NT5C1B: variants seen among roughly 807,000 people sequenced by gnomAD.
NT5C1B encodes the protein 5'-nucleotidase, cytosolic IB.
NT5C1B carries 44 observed loss-of-function variants against 57.8 expected under a neutral mutation model. The ratio of observed to expected loss-of-function variants is 0.76; its 90% CI spans 0.60 to 0.98. The LOEUF (loss-of-function observed/expected upper bound fraction) is 0.98, where lower values mean the gene tolerates loss of function less well. NT5C1B is among the 50% of genes least tolerant of loss of function. The pLI is 0.00. For missense variants in NT5C1B, 742 were observed against 719.5 expected (o/e 1.03, Z -0.36); for synonymous variants, 284 against 282.6 (o/e 1.00, Z -0.05).
intron 2 of NT5C1B, chr2:18,586,752 A>G: frequency 1.5e-6 from 1 of 664,746 alleles, no homozygotes. Flanking sequence ...CTGAAACAAT[A>G]TATCCACCAT....
chr2:18,584,171 C>G lies in NT5C1B; in HGVS notation c.808G>C (p.Glu270Gln). 1.2e-6 allele frequency: 2 copies of G among 1,614,164 alleles called. No individual in the cohort carries two copies. The highest frequency in any genetic ancestry group is 1.7e-6 in the Non-Finnish European group (2 of 1,180,034). The change falls in exon 5 of 9, where the codon GAG becomes CAG. Residue 270 changes from glutamate to glutamine, a missense_variant. Coordinates refer to ENST00000304081, the Ensembl canonical transcript of NT5C1B. The surrounding 1 kb of genome is among the most constrained non-coding windows in gnomAD (Gnocchi z 5.8). Reference sequence around the variant, plus strand: ...TACTCCATGTACTTTTCCAGACCCTCTTGCTCGTAGATTTTCCTGCCGTCC... The same window carrying G: ...TACTCCATGTACTTTTCCAGACCCTGTTGCTCGTAGATTTTCCTGCCGTCC...
At chr2:18,582,792 A>G in intron 6 of NT5C1B, 76 bp downstream of exon 6, 1 of 1,560,394 alleles carries the variant, frequency 6.4e-7, no homozygotes, top group African/African-American at 1.4e-5. Flanking sequence ...TGGTTAAGCC[A>G]CAGTTAGCAA....
At chr2:18,585,911 C>T (rs1208263272) in intron 3 of NT5C1B, among the ~76,000 whole-genome samples, 4 of 152,218 alleles carry the variant, frequency 2.6e-5, no homozygotes, top group African/African-American at 9.6e-5. Flanking sequence ...CTCTTTTTCT[C>T]TGGTGGTGAC....
chr2:18,573,874 C>G (rs1346517819), intron 8 of NT5C1B, among the ~76,000 whole-genome samples: 2 of 152,104 alleles, frequency 1.3e-5, no homozygotes, highest in Non-Finnish European at 1.5e-5. Flanking sequence ...AGCATGTATA[C>G]TAGAAATGTG....
At chr2:18,575,937 A>C (rs34254789) in intron 8 of NT5C1B, among the ~76,000 whole-genome samples, 20,174 of 152,162 alleles carry the variant, frequency 0.13, 1,478 homozygotes, top group Middle Eastern at 0.24. Flanking sequence ...TATCATGGGA[A>C]GATCATGCAA....
chr2:18,577,059 AT>A (rs1421193445), intron 6 of NT5C1B, among the ~76,000 whole-genome samples, 164 bp from the exon 7 acceptor site: 1 of 152,212 alleles, frequency 6.6e-6, no homozygotes, highest in Non-Finnish European at 1.5e-5. Context: ...TTTAAAAATC[AT>A]CTTATGGTAC....
At chr2:18,587,674 GA>G in intron 1 of NT5C1B, 82 bp from the exon 2 acceptor site, 1 of 1,468,732 alleles carries the variant, frequency 6.8e-7, no homozygotes, top group Non-Finnish European at 9.1e-7. Flanking sequence ...AAAGGATAAA[GA>G]AAACACAAAA....
chr2:18,567,114 C>T (rs1664713917), intron 8 of NT5C1B, among the ~76,000 whole-genome samples: 1 of 152,130 alleles, frequency 6.6e-6, no homozygotes, highest in Non-Finnish European at 1.5e-5. Flanking sequence ...GGCTTTTCTC[C>T]ATGGACTTCA....
Position 18,586,316 on chromosome 2 carries a change from G to A in NT5C1B, c.196C>T (p.Arg66Trp), listed in dbSNP as rs747025354. Residue 66 changes from arginine (R) to tryptophan (W), a missense_variant, in exon 3 of 9, where the codon CGG becomes TGG. Transcript: ENST00000304081. ...GATGGAGCCTTGGTGGATGGGCTCC[G>A]GGATATTCTAGACCATTGACTGCGC... 4.0e-5 allele frequency: 64 copies of A among 1,613,958 alleles called. No individual in the cohort carries two copies. The highest frequency in any genetic ancestry group is 5.0e-5 in the Non-Finnish European group (59 of 1,180,026).
At chr2:18,585,894 T>G (rs1262447704) in intron 3 of NT5C1B, among the ~76,000 whole-genome samples, 1 of 152,088 alleles carries the variant, frequency 6.6e-6, no homozygotes, top group African/African-American at 2.4e-5. Flanking sequence ...CCCCACACAA[T>G]CTGACACTCT....
chr2:18,584,942 T>C lies in NT5C1B; in HGVS notation c.295A>G (p.Thr99Ala). ...GAGGAGTCATGCAGGCTTGGGGAGG[T>C]GGATGGAGTCCGGGAGCTCGTGGAG... The change falls in exon 4 of 9, where the codon ACC becomes GCC. Residue 99 changes from threonine to alanine, a missense_variant. Transcript: ENST00000304081. This position sits in a 1 kb window ranked among gnomAD's most constrained non-coding sequence, Gnocchi z 5.8. 1 of 1,534,882 alleles carries C rather than the reference T, an allele frequency of 6.5e-7. No homozygotes were observed. The highest frequency in any genetic ancestry group is 8.7e-7 in the Non-Finnish European group (1 of 1,148,052).
chr2:18,571,339 A>G (rs1267235965), intron 8 of NT5C1B, among the ~76,000 whole-genome samples: 3 of 152,222 alleles, frequency 2.0e-5, no homozygotes. Context: ...GCAGAATACA[A>G]AAACCAATTG....
At chr2:18,565,915 A>G (rs143047017) in intron 8 of NT5C1B, among the ~76,000 whole-genome samples, 1,542 of 152,144 alleles carry the variant, frequency 0.01, 13 homozygotes, top group Non-Finnish European at 0.017. Context: ...ATTTTTCTAT[A>G]TGTAATTGTA....
At chr2:18,576,250 G>A (rs759419345) in exon 8 of NT5C1B, 142 of 1,613,534 alleles carry the variant, frequency 8.8e-5, no homozygotes, top group Non-Finnish European at 1.1e-4. Flanking sequence ...CATGCTCCTT[G>A]GTAAAATGTT....
Position 18,568,932 on chromosome 2 carries a change from C to T in NT5C1B, c.1330-4813G>A, listed in dbSNP as rs1160649551. Among the ~76,000 whole-genome samples, 3 of 152,234 alleles carry T rather than the reference C, an allele frequency of 2.0e-5. No homozygotes were observed. In the East Asian group the frequency reaches 5.8e-4, roughly 29 times the overall value. On this transcript the variant is annotated intron_variant, in intron 8 of 8. Coordinates refer to ENST00000304081, the Ensembl canonical transcript of NT5C1B. ...TGCTCTGACCACCTTGGGCACATGT[C>T]GTCAGATCCTCCTGAGGCTGTGCCA... is the stretch of plus-strand genomic sequence containing the variant.
chr2:18,564,238 G>C, intron 8 of NT5C1B, 119 bp from the exon 9 acceptor site: 1 of 1,194,302 alleles, frequency 8.4e-7, no homozygotes, highest in Non-Finnish European at 1.1e-6. Context: ...ATGACATGCA[G>C]TGTTATGAAG....
chr2:18,579,696 C>G (rs1026352735), intron 6 of NT5C1B, among the ~76,000 whole-genome samples: 1 of 152,158 alleles, frequency 6.6e-6, no homozygotes, highest in East Asian at 1.9e-4. Flanking sequence ...AGAGGAAAAC[C>G]TAGGAAATAC....
At position 18,584,226 on chromosome 2, in the gene NT5C1B, A is replaced by G; in HGVS notation, c.753T>C (p.Ala251=). The G allele has an allele frequency of 6.2e-7, 1 of 1,614,020 alleles. No individual in the cohort carries two copies. Among genetic ancestry groups the G allele is most frequent in the Non-Finnish European group, 8.5e-7 (1 of 1,179,950 alleles). ...TGTTGAAGAGCGCGCAGGATGAGAG[A>G]GCAATGGTGATGGCGTTCTTGGGTT... Residue 251 remains alanine (A), a synonymous_variant, in exon 5 of 9, where the codon GCT becomes GCC. Transcript: ENST00000304081. This position sits in a 1 kb window ranked among gnomAD's most constrained non-coding sequence, Gnocchi z 5.8.
At chr2:18,581,031 C>G (rs180765346) in intron 6 of NT5C1B, among the ~76,000 whole-genome samples, 2 of 152,244 alleles carry the variant, frequency 1.3e-5, no homozygotes, top group Admixed American at 1.3e-4. Context: ...TACACCAAAC[C>G]CTCATGACAT....
Sources: allele counts gnomAD v4.1 joint callset (sites outside exome capture counted in the v4.1 genomes callset), GRCh38; gene constraint gnomAD v4.1.1; non-coding constraint Gnocchi (gnomAD v3.1); transcripts MANE v1.5; gene names NCBI Gene and HGNC (gene_info 2026-07-23, HGNC 2026-07-21).